Variants in RHOBTB3 observed in about 807,000 individuals in gnomAD.
The protein encoded by RHOBTB3 is Rho related BTB domain containing 3.
A neutral mutation model predicts 67.2 loss-of-function variants in RHOBTB3; 47 were observed. The ratio of observed to expected loss-of-function variants is 0.70; its 90% CI spans 0.55 to 0.89. The LOEUF is 0.89. Ranked by LOEUF, RHOBTB3 falls within the 40% of genes least tolerant of loss-of-function variation. RHOBTB3 has a pLI of 0.00. For missense variants in RHOBTB3, 631 were observed against 750.0 expected (o/e 0.84, Z 1.85); for synonymous variants, 273 against 274.2 (o/e 1.00, Z 0.04).
At position 95,753,304 on chromosome 5, in the gene RHOBTB3, TG is replaced by T. The variant is rs376185052; in HGVS notation, c.682+955del. Among the ~76,000 whole-genome samples the T allele has an allele frequency of 8.8e-3, 1,329 of 151,870 alleles. 16 individuals carry two copies. Among genetic ancestry groups the T allele is most frequent in the African/African-American group, 0.031 (1,283 of 41,392 alleles). On this transcript the variant is annotated intron_variant, in intron 5 of 11. Coordinates refer to ENST00000379982, the MANE Select transcript of RHOBTB3 (RefSeq NM_014899.4). ...CTAGAGATAAGGGGAAAATAAAAAA[TG>T]TTAATAATTGCAAAATCCACGTGAG...
chr5:95,754,209 C>T (rs1306819392), intron 5 of RHOBTB3, among the ~76,000 whole-genome samples: 4 of 152,184 alleles, frequency 2.6e-5, no homozygotes, highest in East Asian at 1.9e-4. Context: ...GCAGCCTCAG[C>T]GTTCACAAGG....
chr5:95,748,487 G>A lies in RHOBTB3; in HGVS notation c.570G>A (p.Val190=). The change falls in exon 4 of 12, where the codon GTG becomes GTA. Residue 190 remains valine, a splice_region_variant and synonymous_variant. Transcript: ENST00000379982. ...DFYIGKYFGG[V]LEYFMIQALN... is the part of the protein sequence containing the mutation. ...ACATAGGAAAGTATTTTGGAGGAGTGGTAAGTGGAAATTCCTGTTAAGTAT... is the reference window on the plus strand; with the variant it reads ...ACATAGGAAAGTATTTTGGAGGAGTAGTAAGTGGAAATTCCTGTTAAGTAT... The A allele has an allele frequency of 1.2e-6, 2 of 1,604,906 alleles. No homozygotes were observed. The highest frequency in any genetic ancestry group is 2.2e-5 in the East Asian group (1 of 44,538).
At chr5:95,759,009 A>T (rs774767095) in intron 6 of RHOBTB3, among the ~76,000 whole-genome samples, 1 of 152,214 alleles carries the variant, frequency 6.6e-6, no homozygotes, top group Non-Finnish European at 1.5e-5. Context: ...ATGCAGTGCT[A>T]TTCAGAACTG....
At chr5:95,766,568 G>A (rs1250140429) in intron 7 of RHOBTB3, among the ~76,000 whole-genome samples, 3 of 143,518 alleles carry the variant, frequency 2.1e-5, no homozygotes, top group African/African-American at 7.8e-5. Context: ...GGCTTGTTTT[G>A]TTTATCCACT....
chr5:95,760,057 A>G (rs1702356135), intron 6 of RHOBTB3, among the ~76,000 whole-genome samples: 1 of 152,108 alleles, frequency 6.6e-6, no homozygotes, highest in Non-Finnish European at 1.5e-5. Flanking sequence ...TGTCACCATG[A>G]ACATTTGGTT....
At chr5:95,719,180 T>C (rs1580378125) in intron 1 of RHOBTB3, among the ~76,000 whole-genome samples, 2 of 152,004 alleles carry the variant, frequency 1.3e-5, no homozygotes, top group African/African-American at 4.8e-5. Context: ...TGTGTTGAGG[T>C]TCCGGAATGA....
intron 2 of RHOBTB3, among the ~76,000 whole-genome samples, chr5:95,734,292 A>ATT (rs112670036): frequency 6.7e-6 from 1 of 149,528 alleles, no homozygotes; most frequent in African/African-American, 2.4e-5. Context: ...AGAAATTCAG[A>ATT]TTTTTTTTTT....
At position 95,795,482 on chromosome 5, in the gene RHOBTB3, G is replaced by A. The variant is rs1017597808; in HGVS notation, c.*2308G>A. The A allele has an allele frequency of 1.2e-4, 18 of 152,160 alleles. No individual in the cohort carries two copies. Among genetic ancestry groups the A allele is most frequent in the African/African-American group, 2.9e-4 (12 of 41,418 alleles). The allele number at this position is 152,160 out of a possible 1,614,324, so 9.4% of individuals were successfully genotyped here. A position where few individuals can be genotyped will look rare whatever the true frequency, so the allele number is the denominator to read the frequency against. ...ATATTAAGTTGCAAAGCAAAAAAAG[G>A]TATTTTCTTGAAAATACTATTTAAT... On this transcript the variant is annotated 3_prime_UTR_variant, in exon 12 of 12. Transcript: ENST00000379982.
intron 1 of RHOBTB3, among the ~76,000 whole-genome samples, chr5:95,724,627 G>A (rs868512891): frequency 6.6e-6 from 1 of 152,090 alleles, no homozygotes. Context: ...CACCACGCCC[G>A]GCTAATTTTT....
At chr5:95,786,999 G>T (rs1355971353) in intron 10 of RHOBTB3, among the ~76,000 whole-genome samples, 1 of 152,116 alleles carries the variant, frequency 6.6e-6, no homozygotes, top group African/African-American at 2.4e-5. Context: ...TCATTCCTCA[G>T]TTCTTTCATT....
chr5:95,776,606 T>C (rs1389792795), intron 8 of RHOBTB3, among the ~76,000 whole-genome samples: 3 of 152,164 alleles, frequency 2.0e-5, no homozygotes, highest in South Asian at 2.1e-4. Context: ...ATGGAATCTA[T>C]GGAACAATTT....
At chr5:95,783,734 T>G (rs1580429035) in intron 9 of RHOBTB3, 63 bp from the exon 10 acceptor site, 2 of 1,359,222 alleles carry the variant, frequency 1.5e-6, no homozygotes, top group South Asian at 1.4e-5. Flanking sequence ...TGGTGGGGGG[T>G]GTTTAGATCA....
intron 10 of RHOBTB3, among the ~76,000 whole-genome samples, chr5:95,784,561 T>C (rs1015905015): frequency 5.3e-5 from 8 of 152,216 alleles, no homozygotes; most frequent in African/African-American, 1.9e-4. Context: ...TCGGAGTCTT[T>C]TGTTTTCAAT....
At chr5:95,735,259 C>CTTTTTTTTTTTTT in intron 2 of RHOBTB3, among the ~76,000 whole-genome samples, 1 of 133,690 alleles carries the variant, frequency 7.5e-6, no homozygotes. Context: ...CATATTTTGC[C>CTTTTTTTTTTTTT]TTTTTTTTTT....
Position 95,755,395 on chromosome 5 carries a change from G to GA in RHOBTB3, c.688dup (p.Met230AsnfsTer7). The GA allele has an allele frequency of 2.7e-6, 4 of 1,502,816 alleles. No individual in the cohort carries two copies. The highest frequency in any genetic ancestry group is 1.8e-6 in the Non-Finnish European group (2 of 1,127,912). The allele number at this position is 1,502,816 out of a possible 1,614,324, so 93.1% of individuals were successfully genotyped here. On this transcript the variant is annotated frameshift_variant and splice_region_variant. Transcript: ENST00000379982. LOFTEE classifies it high-confidence loss of function. ...TATTTTTATTTTCTTTTTCAAAACA[G>GA]AAAAAATGCCTGTCTTAAAGGCTGA...
At chr5:95,734,863 T>C (rs992089979) in intron 2 of RHOBTB3, among the ~76,000 whole-genome samples, 1 of 152,172 alleles carries the variant, frequency 6.6e-6, no homozygotes, top group South Asian at 2.1e-4. Context: ...CATTTTTTCA[T>C]AACATTTTCC....
rs568898578 is a variant in RHOBTB3, at chr5:95,758,229, G to C, written c.1048+2468G>C. Among the ~76,000 whole-genome samples the C allele has an allele frequency of 2.0e-4, 31 of 152,174 alleles. 1 individual carries two copies. Among genetic ancestry groups the C allele is most frequent in the African/African-American group, 7.5e-4 (31 of 41,532 alleles). On this transcript the variant is annotated intron_variant, in intron 6 of 11. Coordinates refer to ENST00000379982, the MANE Select transcript of RHOBTB3 (RefSeq NM_014899.4). ...TTATTTAATTGCAAAATTAATACAG[G>C]CAGATGGAAAAAAAGAGAAAGAAAA...
intron 1 of RHOBTB3, 51 bp downstream of exon 1, chr5:95,731,735 C>T: frequency 6.2e-7 from 1 of 1,611,616 alleles, no homozygotes. Context: ...GCGTGCCGTG[C>T]GCCCCAGGGA....
intron 9 of RHOBTB3, 175 bp from the exon 10 acceptor site, chr5:95,783,619 ATGG>A: frequency 2.6e-6 from 1 of 387,408 alleles, no homozygotes; most frequent in African/African-American, 2.1e-5. Flanking sequence ...AAAAGATAAA[ATGG>A]AATAAAAGTG....
Sources: allele counts gnomAD v4.1 joint callset (sites outside exome capture counted in the v4.1 genomes callset), GRCh38; gene constraint gnomAD v4.1.1; transcripts MANE v1.5; gene names NCBI Gene and HGNC (gene_info 2026-07-23, HGNC 2026-07-21).